The following SART1 variants were observed in gnomAD, a reference collection of about 807,000 sequenced individuals.
The protein encoded by SART1 is U4/U6.U5 tri-snRNP-associated protein 1.
In SART1, 28 loss-of-function variants were observed where a neutral mutation model predicts 105.0. The ratio of observed to expected loss-of-function variants is 0.27; its 90% CI spans 0.20 to 0.37. The LOEUF (loss-of-function observed/expected upper bound fraction) is 0.37, where lower values mean the gene tolerates loss of function less well. SART1 is among the 10% of genes least tolerant of loss of function. The pLI is 1.00. For missense variants in SART1, 894 were observed against 1,106.5 expected (o/e 0.81, Z 2.72); for synonymous variants, 472 against 462.9 (o/e 1.02, Z -0.25).
In SART1 at chr11:65,976,583, GC is replaced by G. The variant is rs1855484878; in HGVS notation, c.1746+19del. On this transcript the variant is annotated intron_variant, in intron 13 of 19. Transcript: ENST00000312397. The surrounding 1 kb of genome is among the most constrained non-coding windows in gnomAD (Gnocchi z 5.1). ...AGGAGCTCATGGTGCGTCTGGGGCG[GC>G]CCCGCCCTCTGCTTCCCTCGGCTGG... The G allele has an allele frequency of 6.2e-7, 1 of 1,613,250 alleles. No homozygotes were observed. The highest frequency in any genetic ancestry group is 1.7e-5 in the Admixed American group (1 of 59,940).
intron 12 of SART1, among the ~76,000 whole-genome samples, chr11:65,972,502 T>C (rs2134915753): frequency 6.6e-6 from 1 of 152,256 alleles, no homozygotes; most frequent in East Asian, 1.9e-4. Flanking sequence ...ATTTTTTAAG[T>C]TGTCAGCATA....
chr11:65,977,460 A>C, intron 15 of SART1, 103 bp from the exon 16 acceptor site: 1 of 945,452 alleles, frequency 1.1e-6, no homozygotes, highest in South Asian at 1.4e-5. Flanking sequence ...TTCCAGAGGC[A>C]AGGAAAGGGA....
At chr11:65,972,785 C>CAA (rs563046172) in intron 12 of SART1, among the ~76,000 whole-genome samples, 2 of 105,958 alleles carry the variant, frequency 1.9e-5, no homozygotes, top group Non-Finnish European at 2.0e-5. Flanking sequence ...GATCCTGTCT[C>CAA]AAAAAAAAAA....
chr11:65,962,748 C>T (rs2134900541), intron 1 of SART1, among the ~76,000 whole-genome samples: 1 of 152,242 alleles, frequency 6.6e-6, no homozygotes, highest in African/African-American at 2.4e-5. Context: ...ACCAGGAGGG[C>T]TATAGGCCAG....
chr11:65,965,809 A>G (rs2134904827), intron 6 of SART1, 30 bp downstream of exon 6: 1 of 1,613,316 alleles, frequency 6.2e-7, no homozygotes. Context: ...GGTACAGGGG[A>G]CACTGGTGGC....
chr11:65,977,688 C>T (rs1775452311), intron 16 of SART1, 35 bp downstream of exon 16: 3 of 1,613,330 alleles, frequency 1.9e-6, no homozygotes, highest in African/African-American at 1.3e-5. Context: ...GGCTGAGGGG[C>T]CTGTGCCAGC....
chr11:65,964,843 CG>C (rs1452447560), intron 3 of SART1, among the ~76,000 whole-genome samples: 1 of 152,082 alleles, frequency 6.6e-6, no homozygotes, highest in Non-Finnish European at 1.5e-5. Context: ...CTGCGCTGTG[CG>C]GGGGTGGGTT....
chr11:65,968,268 T>C (rs1002898803), intron 12 of SART1, among the ~76,000 whole-genome samples: 15 of 152,188 alleles, frequency 9.9e-5, no homozygotes, highest in African/African-American at 3.1e-4. Context: ...TTTAAAGTCA[T>C]GTTTTGCAAA....
chr11:65,976,430 G>A lies in SART1; in HGVS notation c.1608G>A (p.Gln536=), dbSNP rs1189027106. Reference sequence around the variant, plus strand: ...TTGTGAAGAAGCTGGAGTCTCGCCAGCGGGGCTGGGAGGAGGATGAGGATC... The same window carrying A: ...TTGTGAAGAAGCTGGAGTCTCGCCAACGGGGCTGGGAGGAGGATGAGGATC... The part of the protein sequence containing the change: ...VEIVKKLESR[Q]RGWEEDEDPE... The change falls in exon 13 of 20, where the codon CAG becomes CAA. Residue 536 remains glutamine (Q), a synonymous_variant. Coordinates refer to ENST00000312397, the MANE Select transcript of SART1 (RefSeq NM_005146.5). The surrounding 1 kb of genome is among the most constrained non-coding windows in gnomAD (Gnocchi z 5.1). 6.4e-7 allele frequency: 1 copy of A among 1,562,360 alleles called. No homozygotes were observed.
intron 2 of SART1, 153 bp from the exon 3 acceptor site, chr11:65,964,362 G>T: frequency 4.2e-6 from 4 of 949,442 alleles, no homozygotes; most frequent in Non-Finnish European, 3.3e-6. Context: ...TGCTTTGGAG[G>T]CCAGGGCCCT....
chr11:65,972,306 C>T (rs1855395092), intron 12 of SART1, among the ~76,000 whole-genome samples: 1 of 151,950 alleles, frequency 6.6e-6, no homozygotes, highest in African/African-American at 2.4e-5. Context: ...AGAATCGTGT[C>T]CCAGTGGGAA....
At position 65,978,858 on chromosome 11, in the gene SART1, G is replaced by C; in HGVS notation, c.2328G>C (p.Gln776His). Residue 776 changes from glutamine to histidine, a missense_variant, in exon 19 of 20, where the codon CAG becomes CAC. Coordinates refer to ENST00000312397, the MANE Select transcript of SART1 (RefSeq NM_005146.5). This position sits in a 1 kb window ranked among gnomAD's most constrained non-coding sequence, Gnocchi z 6.8. The stretch of plus-strand genomic sequence containing the variant: ...CCGTGGCCCTGCTCCAGGAGAAGCA[G>C]AAGGCTCAGAAGACCCCCTACATCG... The part of the protein sequence containing the change: ...LGTVALLQEK[Q>H]KAQKTPYIVL... The C allele has an allele frequency of 6.2e-7, 1 of 1,614,080 alleles. No individual in the cohort carries two copies. Among genetic ancestry groups the C allele is most frequent in the Non-Finnish European group, 8.5e-7 (1 of 1,179,988 alleles).
rs1009551157 is a variant in SART1, at chr11:65,980,041, A to G, written c.*1011A>G. Among the ~76,000 whole-genome samples the G allele has an allele frequency of 3.3e-5, 5 of 152,144 alleles. No individual in the cohort carries two copies. Among genetic ancestry groups the G allele is most frequent in the East Asian group, 1.9e-4 (1 of 5,184 alleles). On this transcript the variant is annotated 3_prime_UTR_variant, in exon 20 of 20. Coordinates refer to ENST00000312397, the MANE Select transcript of SART1 (RefSeq NM_005146.5). The stretch of plus-strand genomic sequence containing the variant: ...GGTGGGAGGATCACTTGAACCTGGG[A>G]GACACAGGCTGCAGTGGGCCCTGAT...
At position 65,967,413 on chromosome 11, in the gene SART1, T is replaced by C. The variant is rs181041637; in HGVS notation, c.1313+30T>C. On this transcript the variant is annotated intron_variant, in intron 10 of 19. Transcript: ENST00000312397. ...GCTTGGACACGGTGGTGGGGCGAGATGGCTGGGCTGGGGTGGCCTGGGGAC... is the reference window on the plus strand; with the variant it reads ...GCTTGGACACGGTGGTGGGGCGAGACGGCTGGGCTGGGGTGGCCTGGGGAC... The C allele has an allele frequency of 1.5e-3, 2,412 of 1,613,670 alleles. 31 individuals are homozygous for C. In the African/African-American group the frequency reaches 0.028, roughly 19 times the overall value.
At chr11:65,974,990 A>G (rs1397890895) in intron 12 of SART1, among the ~76,000 whole-genome samples, 1 of 152,088 alleles carries the variant, frequency 6.6e-6, no homozygotes, top group Non-Finnish European at 1.5e-5. Context: ...CAGTGAGCTG[A>G]GATCGCGCCA....
At chr11:65,970,137 G>A (rs951048780) in intron 12 of SART1, among the ~76,000 whole-genome samples, 2 of 152,132 alleles carry the variant, frequency 1.3e-5, no homozygotes, top group Non-Finnish European at 2.9e-5. Context: ...TATAAACATT[G>A]TTACAGTTCT....
At position 65,967,602 on chromosome 11, in the gene SART1, G is replaced by C; in HGVS notation, c.1429+16G>C. On this transcript the variant is annotated intron_variant, in intron 11 of 19. Coordinates refer to ENST00000312397, the MANE Select transcript of SART1 (RefSeq NM_005146.5). ...AGTGATGAGGGTGAGGGCCCGGCCA[G>C]GGGGTGGGAGGGGCAGGGACAGGAG... 1 of 1,609,270 alleles carries C rather than the reference G, an allele frequency of 6.2e-7. No homozygotes were observed. The highest frequency in any genetic ancestry group is 8.5e-7 in the Non-Finnish European group (1 of 1,178,592).
rs1855464718 is a variant in SART1 at position 65,975,602 on chromosome 11, G to A, written c.1573-793G>A. ...TATGTTTTTTGTAGAGATGGGATTT[G>A]GGTATGTTGCCCAGGCTGGTCTCGA... On this transcript the variant is annotated intron_variant, in intron 12 of 19. Transcript: ENST00000312397. Among the ~76,000 whole-genome samples, 4 of 149,250 alleles carry A rather than the reference G, an allele frequency of 2.7e-5. No homozygotes were observed. In the South Asian group the frequency reaches 8.6e-4, roughly 32 times the overall value.
chr11:65,973,926 C>T (rs1462256828), intron 12 of SART1, among the ~76,000 whole-genome samples: 1 of 152,116 alleles, frequency 6.6e-6, no homozygotes, highest in Non-Finnish European at 1.5e-5. Context: ...GGGGCAGGTC[C>T]TTATGTGCTA....
Sources: allele counts gnomAD v4.1 joint callset (sites outside exome capture counted in the v4.1 genomes callset), GRCh38; gene constraint gnomAD v4.1.1; non-coding constraint Gnocchi (gnomAD v3.1); transcripts MANE v1.5; gene names NCBI Gene and HGNC (gene_info 2026-07-23, HGNC 2026-07-21).